COG5: variants seen among roughly 807,000 people sequenced by gnomAD.
COG5 encodes conserved oligomeric Golgi complex subunit 5.
COG5 carries 86 observed loss-of-function variants against 110.4 expected under a neutral mutation model. That is an observed-to-expected ratio of 0.78 (90% CI 0.65 to 0.93). The LOEUF (loss-of-function observed/expected upper bound fraction) is 0.93, where lower values mean the gene tolerates loss of function less well. Ranked by LOEUF, COG5 falls within the 40% of genes least tolerant of loss-of-function variation. The pLI is 0.00. For missense variants in COG5, 1,077 were observed against 987.0 expected (o/e 1.09, Z -1.22); for synonymous variants, 360 against 334.6 (o/e 1.08, Z -0.83).
chr7:107,476,183 T>TAAAAAAA lies in COG5; in HGVS notation c.538+51053_538+51054insTTTTTTT, dbSNP rs1563056700. On this transcript the variant is annotated intron_variant, in intron 6 of 21. Transcript: ENST00000297135. ...TCTGGATTAATATAGTGCAATGATT[T>TAAAAAAA]TAAAAAAAAAAAAAAAAAAAAAAAG... Among the ~76,000 whole-genome samples the TAAAAAAA allele has an allele frequency of 4.0e-3, 342 of 86,126 alleles. 7 individuals are homozygous for TAAAAAAA. Among genetic ancestry groups the TAAAAAAA allele is most frequent in the African/African-American group, 0.019 (318 of 16,904 alleles). The allele number at this position is 86,126 out of a possible 152,430, so 56.5% of individuals were successfully genotyped here.
At chr7:107,351,068 G>A (rs1156528654) in intron 10 of COG5, among the ~76,000 whole-genome samples, 1 of 152,016 alleles carries the variant, frequency 6.6e-6, no homozygotes, top group Non-Finnish European at 1.5e-5. Flanking sequence ...AAGAACATCT[G>A]GTCCCTATAC....
At chr7:107,310,403 AT>A (rs1020370087) in intron 11 of COG5, among the ~76,000 whole-genome samples, 6 of 152,138 alleles carry the variant, frequency 3.9e-5, no homozygotes, top group African/African-American at 9.7e-5. Context: ...AATGGCTTGC[AT>A]TTTTTTTAAA....
At chr7:107,492,245 G>C (rs1216083334) in intron 6 of COG5, among the ~76,000 whole-genome samples, 1 of 150,358 alleles carries the variant, frequency 6.7e-6, no homozygotes, top group East Asian at 2.0e-4. Flanking sequence ...TCTTTCTAGA[G>C]AAGAGCTTCA....
At chr7:107,281,477 A>C in intron 13 of COG5, 78 bp from the exon 14 acceptor site, 1 of 1,036,428 alleles carries the variant, frequency 9.6e-7, no homozygotes, top group South Asian at 1.3e-5. Flanking sequence ...AAAAACTCAA[A>C]CCCAATAAGC....
intron 4 of COG5, 33 bp from the exon 5 acceptor site, chr7:107,548,213 A>G (rs1366453783): frequency 1.2e-6 from 2 of 1,608,032 alleles, no homozygotes; most frequent in East Asian, 4.5e-5. Flanking sequence ...GAATAAAATC[A>G]TTTTCAGAAT....
intron 3 of COG5, among the ~76,000 whole-genome samples, chr7:107,551,501 T>C (rs1802887857): frequency 6.6e-6 from 1 of 152,216 alleles, no homozygotes; most frequent in South Asian, 2.1e-4. Context: ...GAAGCTAGAA[T>C]AATATTCAAT....
At chr7:107,215,424 T>A (rs1799450326) in intron 19 of COG5, among the ~76,000 whole-genome samples, 1 of 152,040 alleles carries the variant, frequency 6.6e-6, no homozygotes, top group South Asian at 2.1e-4. Flanking sequence ...TCCCAGCACT[T>A]TGGGAGGCCG....
chr7:107,267,669 A>G (rs1803908605), intron 14 of COG5, among the ~76,000 whole-genome samples: 1 of 152,216 alleles, frequency 6.6e-6, no homozygotes. Flanking sequence ...TTCAAAAAAG[A>G]ATGACAGTTT....
At chr7:107,280,445 G>A (rs1296177207) in intron 14 of COG5, among the ~76,000 whole-genome samples, 1 of 151,962 alleles carries the variant, frequency 6.6e-6, no homozygotes, top group Non-Finnish European at 1.5e-5. Flanking sequence ...AGAACAAACT[G>A]AAACAACTTG....
Position 107,341,625 on chromosome 7 carries a change from C to T in COG5, c.1027-17104G>A, listed in dbSNP as rs565887751. Among the ~76,000 whole-genome samples the T allele has an allele frequency of 2.6e-5, 4 of 152,110 alleles. No individual in the cohort carries two copies. In the South Asian group the frequency reaches 8.3e-4, roughly 32 times the overall value. On this transcript the variant is annotated intron_variant, in intron 10 of 21. Coordinates refer to ENST00000297135, the MANE Select transcript of COG5 (RefSeq NM_006348.5). ...AGACATTACATTATTCAACATCAAA[C>T]TATAGTACAAGGCTATGGTAAGCAA...
At chr7:107,386,310 T>C (rs1790191890) in intron 7 of COG5, among the ~76,000 whole-genome samples, 1 of 151,984 alleles carries the variant, frequency 6.6e-6, no homozygotes, top group South Asian at 2.1e-4. Flanking sequence ...TGCAACTGTT[T>C]ATGGCACTCT....
At position 107,362,804 on chromosome 7, in the gene COG5, T is replaced by A. The variant is rs558821566; in HGVS notation, c.836-384A>T. ...CACATGTGTGTGTATGTGTGTTGTA[T>A]CCCCTTTCTTAAAAAAAAAAAAAAC... On this transcript the variant is annotated intron_variant, in intron 8 of 21. Coordinates refer to ENST00000297135, the MANE Select transcript of COG5 (RefSeq NM_006348.5). Among the ~76,000 whole-genome samples, 51 of 145,346 alleles carry A rather than the reference T, an allele frequency of 3.5e-4. 1 individual carries two copies. Among genetic ancestry groups the A allele is most frequent in the African/African-American group, 1.0e-3 (41 of 40,086 alleles).
intron 7 of COG5, among the ~76,000 whole-genome samples, chr7:107,394,013 G>C (rs1790809445): frequency 6.6e-6 from 1 of 151,444 alleles, no homozygotes; most frequent in Non-Finnish European, 1.5e-5. Context: ...CCAGGCTGGA[G>C]TGCAGTGGCA....
chr7:107,284,350 G>A (rs1031253646), intron 12 of COG5, among the ~76,000 whole-genome samples: 18 of 152,108 alleles, frequency 1.2e-4, no homozygotes, highest in African/African-American at 3.9e-4. Flanking sequence ...AATGCTAATG[G>A]GGGCTATGCC....
At chr7:107,528,193 G>T (rs1378668770) in intron 5 of COG5, among the ~76,000 whole-genome samples, 1 of 151,766 alleles carries the variant, frequency 6.6e-6, no homozygotes, top group Non-Finnish European at 1.5e-5. Context: ...CTGGGCTCAA[G>T]CGATCCTTCT....
chr7:107,298,292 A>T lies in COG5; in HGVS notation c.1163T>A (p.Leu388His). Residue 388 changes from leucine to histidine, a missense_variant, in exon 12 of 22, where the codon CTT becomes CAT. Leu to His is a moderately conservative substitution (Grantham distance 99). Coordinates refer to ENST00000297135, the MANE Select transcript of COG5 (RefSeq NM_006348.5). ...FEGEYPKLLRLYNDLWKRLQQ... is the reference protein window; with the variant it reads ...FEGEYPKLLRHYNDLWKRLQQ... ...AAGACGCTTCCATAAGTCATTATAA[A>T]GACGTAATAATTTAGGGTATTCTCC... The T allele has an allele frequency of 6.2e-7, 1 of 1,613,756 alleles. No homozygotes were observed. Among genetic ancestry groups the T allele is most frequent in the East Asian group, 2.2e-5 (1 of 44,804 alleles).
chr7:107,236,712 T>G (rs372066364), intron 17 of COG5, 25 bp from the exon 18 acceptor site: 8 of 1,438,202 alleles, frequency 5.6e-6, no homozygotes, highest in Non-Finnish European at 6.9e-6. Flanking sequence ...GCAGCCCTTT[T>G]CAGCACCGCT....
intron 1 of COG5, among the ~76,000 whole-genome samples, chr7:107,560,494 G>C (rs755036474): frequency 6.6e-6 from 1 of 152,108 alleles, no homozygotes; most frequent in Admixed American, 6.6e-5. Flanking sequence ...AACTGATACA[G>C]GAAATTTAGT....
chr7:107,508,251 G>A lies in COG5; in HGVS notation c.538+18986C>T, dbSNP rs141328901. On this transcript the variant is annotated intron_variant, in intron 6 of 21. Coordinates refer to ENST00000297135, the MANE Select transcript of COG5 (RefSeq NM_006348.5). ...GATTATATCCCGCACCTGGCTCGGA[G>A]GGTCCTATGCCCACAGAGTCTCGCT... Among the ~76,000 whole-genome samples the A allele has an allele frequency of 6.2e-4, 94 of 152,360 alleles. No individual in the cohort carries two copies. The East Asian group carries it at 0.018, about 29-fold the overall frequency.
Sources: allele counts gnomAD v4.1 joint callset (sites outside exome capture counted in the v4.1 genomes callset), GRCh38; gene constraint gnomAD v4.1.1; transcripts MANE v1.5; gene names NCBI Gene and HGNC (gene_info 2026-07-23, HGNC 2026-07-21).